Variants in SP140L observed in about 807,000 individuals in gnomAD.
The protein encoded by SP140L is SP140 like nuclear body protein.
A neutral mutation model predicts 84.3 loss-of-function variants in SP140L; 64 were observed. That is an observed-to-expected ratio of 0.76 (90% CI 0.62 to 0.94). SP140L has a LOEUF of 0.94. Among genes scored for constraint, SP140L ranks in the 40% least tolerant of loss-of-function variants. The probability of loss-of-function intolerance (pLI) is 0.00; values close to 1 mark genes in which losing one functional copy is unlikely to be tolerated. For synonymous variants in SP140L, 242 were observed against 236.9 expected (o/e 1.02, Z -0.20); for missense variants, 628 against 692.5 (o/e 0.91, Z 1.05).
chr2:230,332,269 A>T (rs935246760), intron 2 of SP140L, among the ~76,000 whole-genome samples: 4 of 152,370 alleles, frequency 2.6e-5, no homozygotes, highest in African/African-American at 9.6e-5. Flanking sequence ...GAGAGATTAA[A>T]ATATCAAACA....
intron 5 of SP140L, among the ~76,000 whole-genome samples, chr2:230,364,007 G>A (rs2060798468): frequency 6.6e-6 from 1 of 151,932 alleles, no homozygotes; most frequent in African/African-American, 2.4e-5. Flanking sequence ...TCTCTATTTT[G>A]TTCCATTTGT....
chr2:230,396,841 T>C (rs762290305), intron 14 of SP140L, 43 bp downstream of exon 14: 3 of 1,608,762 alleles, frequency 1.9e-6, no homozygotes, highest in Non-Finnish European at 1.7e-6. Flanking sequence ...ATATTCCACT[T>C]CTTTCTCCAG....
chr2:230,371,538 A>T, intron 6 of SP140L, 60 bp from the exon 7 acceptor site: 2 of 1,397,560 alleles, frequency 1.4e-6, no homozygotes, highest in Non-Finnish European at 2.0e-6. Flanking sequence ...GAATTGTCCT[A>T]AAATCTATAA....
At chr2:230,381,710 CT>C (rs2061411416) in intron 7 of SP140L, among the ~76,000 whole-genome samples, 1 of 103,758 alleles carries the variant, frequency 9.6e-6, no homozygotes, top group South Asian at 3.9e-4. Flanking sequence ...CCCTGTCTCT[CT>C]ACACACACAC....
chr2:230,393,227 C>A (rs904476374), intron 12 of SP140L, among the ~76,000 whole-genome samples, 187 bp from the exon 13 acceptor site: 1 of 152,170 alleles, frequency 6.6e-6, no homozygotes, highest in African/African-American at 2.4e-5. Context: ...AAATGATTTT[C>A]TGGCTTCTAT....
intron 7 of SP140L, among the ~76,000 whole-genome samples, chr2:230,382,553 A>G (rs1575517789): frequency 2.6e-5 from 4 of 152,276 alleles, no homozygotes; most frequent in Admixed American, 2.6e-4. Flanking sequence ...ACAAAATTAG[A>G]TACAAGTAGA....
intron 7 of SP140L, among the ~76,000 whole-genome samples, chr2:230,376,254 T>G (rs773088894): frequency 5.9e-5 from 9 of 152,164 alleles, no homozygotes; most frequent in African/African-American, 9.6e-5. Flanking sequence ...GAAGTCCTAG[T>G]CAGAGCAATT....
intron 15 of SP140L, chr2:230,400,584 C>A (rs1575562309): frequency 2.1e-6 from 1 of 476,312 alleles, no homozygotes; most frequent in East Asian, 4.1e-5. Flanking sequence ...TGTGCTTATT[C>A]ATACAAGACA....
chr2:230,367,595 C>T (rs1434901389), intron 5 of SP140L, among the ~76,000 whole-genome samples: 2 of 152,060 alleles, frequency 1.3e-5, no homozygotes, highest in African/African-American at 2.4e-5. Context: ...CACCCAGTCT[C>T]ATATTAAATT....
At chr2:230,372,687 T>C (rs2061119625) in intron 7 of SP140L, 1 of 133,610 alleles carries the variant, frequency 7.5e-6, no homozygotes, top group African/African-American at 2.9e-5. Context: ...ATCGCGCCAC[T>C]GCACTCCAAC....
intron 5 of SP140L, 73 bp downstream of exon 5, chr2:230,361,770 G>T: frequency 8.8e-7 from 1 of 1,138,596 alleles, no homozygotes; most frequent in South Asian, 1.4e-5. Flanking sequence ...GAGGGCCCAA[G>T]GTCCTGAGGG....
intron 7 of SP140L, among the ~76,000 whole-genome samples, chr2:230,378,067 AGT>A (rs2061303848): frequency 1.3e-5 from 2 of 152,150 alleles, no homozygotes; most frequent in African/African-American, 4.8e-5. Context: ...TGTTGAAAAA[AGT>A]ATCCTTTCTG....
intron 3 of SP140L, among the ~76,000 whole-genome samples, chr2:230,358,740 G>A (rs1411642708): frequency 6.6e-6 from 1 of 152,192 alleles, no homozygotes; most frequent in Non-Finnish European, 1.5e-5. Context: ...TACATCTAAT[G>A]TAAATGAGGG....
intron 2 of SP140L, among the ~76,000 whole-genome samples, chr2:230,334,594 T>C (rs1315664288): frequency 2.6e-5 from 4 of 152,232 alleles, no homozygotes; most frequent in Admixed American, 2.6e-4. Flanking sequence ...TTTACATGTA[T>C]TTTATTGTGG....
At chr2:230,328,692 G>A (rs2059644945) in intron 1 of SP140L, 65 bp from the exon 2 acceptor site, 2 of 1,571,960 alleles carry the variant, frequency 1.3e-6, no homozygotes, top group African/African-American at 2.7e-5. Flanking sequence ...TTAAAAAGTG[G>A]AATTGTTGAA....
intron 2 of SP140L, among the ~76,000 whole-genome samples, chr2:230,349,147 C>T (rs2060292813): frequency 6.6e-6 from 1 of 152,208 alleles, no homozygotes; most frequent in Non-Finnish European, 1.5e-5. Context: ...ATCTTTTCCT[C>T]ATTTAATTGC....
chr2:230,393,388 T>G, intron 12 of SP140L, 26 bp from the exon 13 acceptor site: 1 of 1,575,416 alleles, frequency 6.3e-7, no homozygotes, highest in Non-Finnish European at 8.6e-7. Context: ...AGGCTGACTA[T>G]GTACCTTGGT....
At position 230,395,007 on chromosome 2, in the gene SP140L, G is replaced by A. The variant is rs533415210; in HGVS notation, c.1155+1546G>A. ...CTCCAGTAATTTTTTTTTTTGAGAC[G>A]GAGTTTCACTCTTGTCATTCAGACT... On this transcript the variant is annotated intron_variant, in intron 13 of 18. Coordinates refer to ENST00000415673, the MANE Select transcript of SP140L (RefSeq NM_138402.6). Among the ~76,000 whole-genome samples the A allele has an allele frequency of 1.2e-4, 18 of 151,066 alleles. No individual in the cohort carries two copies. In the East Asian group the frequency reaches 3.1e-3, roughly 26 times the overall value.
intron 5 of SP140L, among the ~76,000 whole-genome samples, chr2:230,369,919 GC>G (rs1559435225): frequency 6.8e-5 from 10 of 147,608 alleles, no homozygotes; most frequent in Non-Finnish European, 1.2e-4. Flanking sequence ...GATTACAGGC[GC>G]ACGCCACCAC....
Sources: allele counts gnomAD v4.1 joint callset (sites outside exome capture counted in the v4.1 genomes callset), GRCh38; gene constraint gnomAD v4.1.1; transcripts MANE v1.5; gene names NCBI Gene and HGNC (gene_info 2026-07-23, HGNC 2026-07-21).